Variants in SMC6 observed in about 807,000 individuals in gnomAD.
SMC6 encodes structural maintenance of chromosomes 6.
SMC6 carries 79 observed loss-of-function variants against 142.2 expected under a neutral mutation model. The ratio of observed to expected loss-of-function variants is 0.56; its 90% confidence interval spans 0.46 to 0.67. SMC6 has a LOEUF of 0.67. SMC6 is among the 30% of genes least tolerant of loss of function. The pLI is 0.00. For missense variants in SMC6, 1,072 were observed against 1,284.0 expected (o/e 0.83, Z 2.52); for synonymous variants, 411 against 412.4 (o/e 1.00, Z 0.04).
chr2:17,690,730 A>T (rs563717451), intron 23 of SMC6, among the ~76,000 whole-genome samples: 4 of 152,312 alleles, frequency 2.6e-5, no homozygotes, highest in African/African-American at 9.6e-5. Flanking sequence ...TAGAAAAATA[A>T]ATATAAATAA....
At chr2:17,707,194 C>A in intron 18 of SMC6, 25 bp downstream of exon 18, 1 of 1,491,124 alleles carries the variant, frequency 6.7e-7, no homozygotes, top group South Asian at 1.4e-5. Context: ...GGGAATGATA[C>A]AGTAAAGCTA....
chr2:17,683,490 G>A (rs1667321155), intron 24 of SMC6, 148 bp downstream of exon 24: 2 of 729,762 alleles, frequency 2.7e-6, no homozygotes, highest in African/African-American at 1.8e-5. Flanking sequence ...TTCAGATTCG[G>A]AATTGTCTGA....
intron 22 of SMC6, 29 bp downstream of exon 22, chr2:17,696,260 A>C (rs1667981042): frequency 6.3e-7 from 1 of 1,577,714 alleles, no homozygotes; most frequent in Non-Finnish European, 8.5e-7. Context: ...GGCTGAAAAC[A>C]AAATAACTTG....
At chr2:17,687,267 T>C (rs1335203560) in intron 23 of SMC6, among the ~76,000 whole-genome samples, 1 of 152,188 alleles carries the variant, frequency 6.6e-6, no homozygotes, top group Admixed American at 6.5e-5. Flanking sequence ...AGCACACATA[T>C]ACATGTGTGC....
chr2:17,710,141 C>T (rs1668754259), intron 16 of SMC6, among the ~76,000 whole-genome samples: 1 of 152,182 alleles, frequency 6.6e-6, no homozygotes, highest in African/African-American at 2.4e-5. Context: ...GGAGATCAGC[C>T]TGTGCAATTC....
At chr2:17,690,621 C>T (rs1278320273) in intron 23 of SMC6, among the ~76,000 whole-genome samples, 1 of 148,480 alleles carries the variant, frequency 6.7e-6, no homozygotes, top group Non-Finnish European at 1.5e-5. Flanking sequence ...ACCAAAAAAA[C>T]AAAAAAAAAC....
At chr2:17,726,493 T>C in intron 7 of SMC6, 24 bp from the exon 8 acceptor site, 1 of 1,586,380 alleles carries the variant, frequency 6.3e-7, no homozygotes, top group Non-Finnish European at 8.6e-7. Flanking sequence ...AAAGTCATTT[T>C]TGAATATTTT....
intron 11 of SMC6, 102 bp downstream of exon 11, chr2:17,720,838 T>C: frequency 1.1e-5 from 11 of 973,534 alleles, no homozygotes; most frequent in Non-Finnish European, 1.7e-5. Flanking sequence ...TATAGACAAA[T>C]ATACTGTCTG....
At chr2:17,733,488 T>A (rs1423415594) in intron 5 of SMC6, among the ~76,000 whole-genome samples, 1 of 152,252 alleles carries the variant, frequency 6.6e-6, no homozygotes, top group Non-Finnish European at 1.5e-5. Context: ...ATAGCTTTGA[T>A]AAATGCATCT....
chr2:17,751,271 A>G (rs1272804918), intron 2 of SMC6, among the ~76,000 whole-genome samples: 2 of 151,930 alleles, frequency 1.3e-5, no homozygotes, highest in Admixed American at 6.6e-5. Context: ...ACTTGAGGTA[A>G]GGCGCTCAAG....
At position 17,683,660 on chromosome 2, in the gene SMC6, T is replaced by C; in HGVS notation, c.2782A>G (p.Lys928Glu). Residue 928 changes from lysine (K) to glutamate (E), a missense_variant, in exon 24 of 28, where the codon AAG (lysine) becomes GAG (glutamate). Lys to Glu is a moderately conservative substitution (Grantham distance 56, BLOSUM62 1). Around this residue, in one of 3 missense-constraint regions of SMC6, gnomAD observed 994 missense variants for 1,153.2 expected, o/e 0.86. Transcript: ENST00000448223. The part of the protein sequence containing the change: ...LLGEIMEHRF[K>E]TYQQFRRCLT... ...TACCTTCTAAATTGTTGATATGTCT[T>C]GAATCTGTGCTCCATGATTTCTCCC... 1 of 1,611,822 alleles carries C rather than the reference T, an allele frequency of 6.2e-7. No individual in the cohort carries two copies. Among genetic ancestry groups the C allele is most frequent in the Non-Finnish European group, 8.5e-7 (1 of 1,178,272 alleles).
chr2:17,707,953 A>C (rs1184574936), intron 17 of SMC6, among the ~76,000 whole-genome samples: 1 of 151,000 alleles, frequency 6.6e-6, no homozygotes, highest in Non-Finnish European at 1.5e-5. Flanking sequence ...TATGAGTAGA[A>C]CCCACAAATA....
At chr2:17,708,822 G>GTATA (rs1668676353) in intron 16 of SMC6, 69 bp from the exon 17 acceptor site, 6 of 397,226 alleles carry the variant, frequency 1.5e-5, no homozygotes, top group South Asian at 6.5e-5. Context: ...TATGAAAATT[G>GTATA]TGTATATATA....
intron 25 of SMC6, among the ~76,000 whole-genome samples, chr2:17,674,944 T>TA (rs1427722807): frequency 2.6e-5 from 4 of 152,244 alleles, no homozygotes; most frequent in African/African-American, 9.6e-5. Flanking sequence ...AGCATACAGT[T>TA]AGTTTTTGTA....
At chr2:17,713,453 G>A (rs546959790) in intron 16 of SMC6, 31 of 470,606 alleles carry the variant, frequency 6.6e-5, no homozygotes, top group African/African-American at 5.6e-4. Flanking sequence ...TCGTGGCTAA[G>A]TGATTAGAAG....
intron 21 of SMC6, among the ~76,000 whole-genome samples, chr2:17,698,062 C>T (rs1015288674): frequency 2.0e-5 from 3 of 151,978 alleles, no homozygotes; most frequent in African/African-American, 7.2e-5. Context: ...TATGATTCTA[C>T]TCATATGAAA....
chr2:17,749,108 G>A (rs1025462160), intron 2 of SMC6, among the ~76,000 whole-genome samples: 1 of 152,020 alleles, frequency 6.6e-6, no homozygotes, highest in Non-Finnish European at 1.5e-5. Flanking sequence ...ACACAGATTC[G>A]AATGTCTAGA....
intron 5 of SMC6, among the ~76,000 whole-genome samples, chr2:17,734,251 C>T (rs1000274877): frequency 1.3e-5 from 2 of 152,198 alleles, no homozygotes; most frequent in Admixed American, 6.5e-5. Flanking sequence ...GCAGTATTTC[C>T]TCTCTGCAGT....
chr2:17,706,715 T>G (rs998520215), intron 18 of SMC6, among the ~76,000 whole-genome samples: 3 of 152,144 alleles, frequency 2.0e-5, no homozygotes, highest in Admixed American at 1.3e-4. Flanking sequence ...TAGTTTTTCG[T>G]TTAACTTCTC....
Sources: gnomAD v4.1 joint callset for allele counts (sites outside exome capture counted in the v4.1 genomes callset) on GRCh38, gnomAD v4.1.1 for gene constraint, gnomAD v4.1.1 regional missense constraint, MANE v1.5 for transcripts, NCBI Gene and HGNC (gene_info 2026-07-23, HGNC 2026-07-21) for gene names.